CNTNAP2: variants seen among roughly 807,000 people sequenced by gnomAD.
CNTNAP2 encodes the protein contactin-associated protein-like 2.
Under a neutral mutation model 155.2 loss-of-function variants are expected in CNTNAP2, and 98 were observed. That is an observed-to-expected ratio of 0.63 (90% CI 0.54 to 0.75). The LOEUF is 0.75. Ranked by LOEUF, CNTNAP2 falls within the 30% of genes least tolerant of loss-of-function variation. The probability of loss-of-function intolerance (pLI) is 0.00; values close to 1 mark genes in which losing one functional copy is unlikely to be tolerated. For missense variants in CNTNAP2, 1,727 were observed against 1,688.1 expected, an observed-to-expected ratio of 1.02 and a Z score of -0.40; for synonymous variants, 651 against 631.2, an observed-to-expected ratio of 1.03 and a Z score of -0.47.
At chr7:147,258,547 G>T (rs1301399865) in intron 8 of CNTNAP2, among the ~76,000 whole-genome samples, 1 of 151,904 alleles carries the variant, frequency 6.6e-6, no homozygotes, top group Non-Finnish European at 1.5e-5. Context: ...TCCCGTACTT[G>T]AAGAAATGTC....
At chr7:146,928,907 C>A (rs1796675047) in intron 3 of CNTNAP2, among the ~76,000 whole-genome samples, 1 of 152,196 alleles carries the variant, frequency 6.6e-6, no homozygotes, top group African/African-American at 2.4e-5. Flanking sequence ...ATTGCCCAGG[C>A]TTGCTTAGGT....
At chr7:148,221,312 T>C (rs28473428) in intron 19 of CNTNAP2, among the ~76,000 whole-genome samples, 26,708 of 152,118 alleles carry the variant, frequency 0.18, 2,464 homozygotes, top group East Asian at 0.28. Flanking sequence ...TTTCTACTGA[T>C]GGCAACACAT....
At chr7:147,626,444 C>A (rs1794978935) in intron 12 of CNTNAP2, among the ~76,000 whole-genome samples, 1 of 152,036 alleles carries the variant, frequency 6.6e-6, no homozygotes, top group Non-Finnish European at 1.5e-5. Flanking sequence ...TGAGAACCAC[C>A]CTGCATCCCC....
At chr7:146,746,623 A>G (rs1014422821) in intron 1 of CNTNAP2, among the ~76,000 whole-genome samples, 3 of 152,146 alleles carry the variant, frequency 2.0e-5, no homozygotes, top group African/African-American at 7.2e-5. Context: ...TATGACAATG[A>G]TGAATAATTT....
At chr7:147,181,222 C>T (rs1166909141) in intron 8 of CNTNAP2, among the ~76,000 whole-genome samples, 4 of 152,032 alleles carry the variant, frequency 2.6e-5, no homozygotes, top group Admixed American at 6.6e-5. Flanking sequence ...CCCAGAGAGA[C>T]CAGAAGCCGG....
At chr7:146,916,221 A>G (rs1278242229) in intron 3 of CNTNAP2, among the ~76,000 whole-genome samples, 3 of 152,136 alleles carry the variant, frequency 2.0e-5, no homozygotes, top group Non-Finnish European at 4.4e-5. Context: ...TTGGTTAGCT[A>G]GTATTTTATC....
rs978118967 is a variant in CNTNAP2 at position 148,040,021 on chromosome 7, G to C, written c.2383+62032G>C. The stretch of plus-strand genomic sequence containing the variant: ...AAACTATCCCTTCTCTCTCTAAATT[G>C]ACCACAGAGCCAACCTTATATAAAT... On this transcript the variant is annotated intron_variant, in intron 15 of 23. Coordinates refer to ENST00000361727, the MANE Select transcript of CNTNAP2 (RefSeq NM_014141.6). Among the ~76,000 whole-genome samples, 5 of 152,138 alleles carry C rather than the reference G, an allele frequency of 3.3e-5. No homozygotes were observed. In the South Asian group the frequency reaches 1.0e-3, roughly 32 times the overall value.
At chr7:146,270,205 T>C (rs1800058805) in intron 1 of CNTNAP2, among the ~76,000 whole-genome samples, 1 of 152,216 alleles carries the variant, frequency 6.6e-6, no homozygotes, top group African/African-American at 2.4e-5. Flanking sequence ...GCGTAAACTA[T>C]AGTTTATGTA....
intron 13 of CNTNAP2, among the ~76,000 whole-genome samples, chr7:147,853,928 AC>A (rs1798993937): frequency 1.3e-5 from 2 of 152,252 alleles, no homozygotes; most frequent in Non-Finnish European, 2.9e-5. Context: ...ACTAGAAGTT[AC>A]TTTTAGAAAA....
At chr7:147,801,553 T>A (rs1797985948) in intron 13 of CNTNAP2, among the ~76,000 whole-genome samples, 2 of 152,088 alleles carry the variant, frequency 1.3e-5, no homozygotes, top group Admixed American at 6.5e-5. Context: ...TTCAAGCATC[T>A]GTTTAACAAA....
At chr7:146,428,926 T>C (rs1390495130) in intron 1 of CNTNAP2, among the ~76,000 whole-genome samples, 3 of 152,198 alleles carry the variant, frequency 2.0e-5, no homozygotes, top group African/African-American at 7.2e-5. Context: ...TTAATTTTTC[T>C]ATCTGGTATA....
At chr7:148,063,727 AG>A (rs1266005266) in intron 15 of CNTNAP2, among the ~76,000 whole-genome samples, 3 of 151,716 alleles carry the variant, frequency 2.0e-5, no homozygotes, top group Non-Finnish European at 4.4e-5. Context: ...GAAGCTTTTT[AG>A]TTTAATTAGG....
intron 3 of CNTNAP2, among the ~76,000 whole-genome samples, chr7:146,950,912 A>G (rs1420012197): frequency 1.3e-5 from 2 of 152,192 alleles, no homozygotes; most frequent in Non-Finnish European, 2.9e-5. Context: ...TCCCACCAAC[A>G]GTGTAAAAGT....
At chr7:147,324,627 T>C (rs914908320) in intron 9 of CNTNAP2, among the ~76,000 whole-genome samples, 3 of 152,196 alleles carry the variant, frequency 2.0e-5, no homozygotes, top group Non-Finnish European at 4.4e-5. Context: ...AAATCTTTCT[T>C]CAACTTATTT....
At chr7:148,260,754 G>A (rs1387406203) in intron 20 of CNTNAP2, among the ~76,000 whole-genome samples, 1 of 152,174 alleles carries the variant, frequency 6.6e-6, no homozygotes, top group Non-Finnish European at 1.5e-5. Context: ...AGCTGCCCCT[G>A]TCTCCTCTGA....
At chr7:147,289,035 T>C (rs1805245210) in intron 8 of CNTNAP2, among the ~76,000 whole-genome samples, 1 of 152,156 alleles carries the variant, frequency 6.6e-6, no homozygotes, top group African/African-American at 2.4e-5. Context: ...TGATTTCCTC[T>C]ATAAGGAAAC....
At chr7:148,117,833 G>A (rs1804508824) in intron 15 of CNTNAP2, among the ~76,000 whole-genome samples, 1 of 149,774 alleles carries the variant, frequency 6.7e-6, no homozygotes, top group South Asian at 2.1e-4. Context: ...ATATTTTATT[G>A]TACAATTTAT....
At chr7:146,143,005 G>A (rs539762807) in intron 1 of CNTNAP2, among the ~76,000 whole-genome samples, 4 of 152,194 alleles carry the variant, frequency 2.6e-5, no homozygotes, top group Admixed American at 6.5e-5. Flanking sequence ...TCCTTTTAGG[G>A]AATAAATAAA....
chr7:146,679,852 T>A (rs971660419), intron 1 of CNTNAP2, among the ~76,000 whole-genome samples: 2 of 152,236 alleles, frequency 1.3e-5, no homozygotes, highest in African/African-American at 4.8e-5. Context: ...TCTTTATACT[T>A]ATTTATATTC....
Sources: gnomAD v4.1 joint callset for allele counts (sites outside exome capture counted in the v4.1 genomes callset) on GRCh38, gnomAD v4.1.1 for gene constraint, MANE v1.5 for transcripts, NCBI Gene and HGNC (gene_info 2026-07-23, HGNC 2026-07-21) for gene names.